The following CNIH3 variants were observed in gnomAD, a reference collection of about 807,000 sequenced individuals.
CNIH3 encodes the protein protein cornichon homolog 3.
CNIH3 carries 14 observed loss-of-function variants against 24.1 expected under a neutral mutation model. That is an observed-to-expected ratio of 0.58 (90% CI 0.38 to 0.91). CNIH3 has a LOEUF of 0.91. Ranked by LOEUF, CNIH3 falls within the 40% of genes least tolerant of loss-of-function variation. The pLI, the probability that CNIH3 is intolerant of heterozygous loss-of-function variation, is 0.00. For synonymous variants in CNIH3, 68 were observed against 73.8 expected, an observed-to-expected ratio of 0.92 and a Z score of 0.40; for missense variants, 178 against 196.8, an observed-to-expected ratio of 0.90 and a Z score of 0.57.
rs1430207954 is a variant in CNIH3, at chr1:224,468,858, G to A, written n.203+33996G>A. 2.0e-5 allele frequency among the ~76,000 whole-genome samples: 3 copies of A among 151,630 alleles called. No homozygotes were observed. In the East Asian group the frequency reaches 5.8e-4, roughly 29 times the overall value. ...AAAAAAAAAAAGAAAGAATGGTGATGCCATGTTCCTGATATTAGGGGGAAA... is the reference window on the plus strand; with the variant it reads ...AAAAAAAAAAAGAAAGAATGGTGATACCATGTTCCTGATATTAGGGGGAAA... On this transcript the variant is annotated intron_variant and non_coding_transcript_variant, in intron 1 of 5. Coordinates refer to the CNIH3 transcript ENST00000471578.
chr1:224,669,268 G>A (rs975924736), intron 1 of CNIH3, among the ~76,000 whole-genome samples: 1 of 152,140 alleles, frequency 6.6e-6, no homozygotes, highest in South Asian at 2.1e-4. Context: ...GGGAAGCTAT[G>A]TCAGAACCAG....
chr1:224,500,930 G>A (rs554273172), intron 1 of CNIH3, among the ~76,000 whole-genome samples: 1 of 152,256 alleles, frequency 6.6e-6, no homozygotes, highest in East Asian at 1.9e-4. Context: ...GCCGGCATCT[G>A]TGCATTCCAC....
At chr1:224,654,131 C>T (rs1365989274) in intron 1 of CNIH3, among the ~76,000 whole-genome samples, 1 of 151,988 alleles carries the variant, frequency 6.6e-6, no homozygotes, top group African/African-American at 2.4e-5. Context: ...TCTGTAATCC[C>T]AACACTTTGG....
At chr1:224,692,984 G>C (rs961101544) in intron 3 of CNIH3, among the ~76,000 whole-genome samples, 2 of 152,194 alleles carry the variant, frequency 1.3e-5, no homozygotes, top group African/African-American at 4.8e-5. Context: ...TTCTTTTAAG[G>C]CTCTTTTTCT....
At chr1:224,668,980 C>T (rs897461559) in intron 1 of CNIH3, among the ~76,000 whole-genome samples, 2 of 152,208 alleles carry the variant, frequency 1.3e-5, no homozygotes, top group African/African-American at 4.8e-5. Context: ...GCTGCCCCCA[C>T]TTCTTCCCAA....
chr1:224,675,334 C>A (rs1326572065), intron 1 of CNIH3, among the ~76,000 whole-genome samples: 2 of 152,122 alleles, frequency 1.3e-5, no homozygotes, highest in Non-Finnish European at 2.9e-5. Context: ...GTAGTTTAAA[C>A]CTTCCTAAAG....
At position 224,616,628 on chromosome 1, in the gene CNIH3, G is replaced by A. The variant is rs1465849257; in HGVS notation, c.-547G>A. The stretch of plus-strand genomic sequence containing the variant: ...TAAAGACTCCTTCTCTCGGGAAAGA[G>A]CGCTGCCCGGCTCTGGGATTTGGGA... On this transcript the variant is annotated 5_prime_UTR_variant, in exon 1 of 6. Coordinates refer to ENST00000272133, the MANE Select transcript of CNIH3 (RefSeq NM_152495.2). The A allele has an allele frequency of 1.0e-6, 1 of 987,382 alleles. No individual in the cohort carries two copies. Among genetic ancestry groups the A allele is most frequent in the Admixed American group, 6.1e-5 (1 of 16,348 alleles). The allele number at this position is 987,382 out of a possible 1,614,324, so 61.2% of individuals were successfully genotyped here.
intron 3 of CNIH3, among the ~76,000 whole-genome samples, chr1:224,727,143 CT>C (rs1383855044): frequency 2.0e-5 from 3 of 152,158 alleles, no homozygotes; most frequent in Non-Finnish European, 2.9e-5. Flanking sequence ...GCCTCGATGG[CT>C]TGTTAAGGAA....
intron 3 of CNIH3, among the ~76,000 whole-genome samples, chr1:224,606,942 G>A (rs2125047190): frequency 6.6e-6 from 1 of 152,248 alleles, no homozygotes; most frequent in Admixed American, 6.5e-5. Flanking sequence ...TGAATTTCCT[G>A]CCAGTCAAGC....
chr1:224,736,180 C>T (rs115810256), intron 5 of CNIH3, among the ~76,000 whole-genome samples: 2,871 of 152,252 alleles, frequency 0.019, 83 homozygotes, highest in African/African-American at 0.063. Context: ...GGCTAGACTA[C>T]AATGGCAGGA....
intron 1 of CNIH3, among the ~76,000 whole-genome samples, chr1:224,625,950 T>A (rs1441438346): frequency 3.3e-5 from 5 of 152,082 alleles, no homozygotes; most frequent in South Asian, 2.1e-4. Context: ...ATTTTTTTTT[T>A]AATCATAGAT....
At chr1:224,586,461 A>G (rs1031006257) in intron 5 of CNIH3, among the ~76,000 whole-genome samples, 2 of 152,146 alleles carry the variant, frequency 1.3e-5, no homozygotes, top group Admixed American at 6.6e-5. Context: ...CCGTGATTCA[A>G]TTACCTCCTA....
chr1:224,434,889 C>T (rs1558453617), intron 1 of CNIH3: 2 of 985,582 alleles, frequency 2.0e-6, no homozygotes, highest in Non-Finnish European at 2.4e-6. Flanking sequence ...GGGCCTGTCA[C>T]CCAGCACGTG....
chr1:224,448,256 A>C (rs75417300), intron 1 of CNIH3, among the ~76,000 whole-genome samples: 9 of 152,056 alleles, frequency 5.9e-5, no homozygotes, highest in Admixed American at 2.0e-4. Context: ...ACACAAAAAA[A>C]ATCAGAAATA....
chr1:224,499,972 C>A (rs1440426247), intron 1 of CNIH3, among the ~76,000 whole-genome samples: 1 of 151,492 alleles, frequency 6.6e-6, no homozygotes, highest in Non-Finnish European at 1.5e-5. Flanking sequence ...TAAGGCTCAA[C>A]AATTCCCCAA....
At chr1:224,725,688 C>A (rs1688986689) in intron 3 of CNIH3, among the ~76,000 whole-genome samples, 1 of 152,180 alleles carries the variant, frequency 6.6e-6, no homozygotes, top group South Asian at 2.1e-4. Context: ...ATGATGAGAG[C>A]CAGGAGCAGA....
intron 1 of CNIH3, among the ~76,000 whole-genome samples, chr1:224,492,356 G>A (rs1005296046): frequency 2.6e-5 from 4 of 152,120 alleles, no homozygotes; most frequent in African/African-American, 7.2e-5. Context: ...CCTTAAAAGT[G>A]GCTTGTCATA....
At chr1:224,485,993 C>A (rs191441279) in intron 1 of CNIH3, among the ~76,000 whole-genome samples, 1 of 151,986 alleles carries the variant, frequency 6.6e-6, no homozygotes, top group Admixed American at 6.6e-5. Flanking sequence ...ATGGAAGGGA[C>A]GCTTTCCCTT....
chr1:224,483,139 T>C (rs186634733), intron 1 of CNIH3, among the ~76,000 whole-genome samples: 18 of 152,302 alleles, frequency 1.2e-4, no homozygotes, highest in Admixed American at 3.9e-4. Flanking sequence ...TTCAAAACTG[T>C]CTTTCCTACC....
Sources: allele counts gnomAD v4.1 joint callset (sites outside exome capture counted in the v4.1 genomes callset), GRCh38; gene constraint gnomAD v4.1.1; transcripts MANE v1.5; gene names NCBI Gene and HGNC (gene_info 2026-07-23, HGNC 2026-07-21).